The following DSCAML1 variants were observed in gnomAD, a reference collection of about 807,000 sequenced individuals.
DSCAML1 encodes cell adhesion molecule DSCAML1.
DSCAML1 carries 38 observed loss-of-function variants against 200.5 expected under a neutral mutation model. The observed-to-expected ratio is 0.19, with a 90% CI of 0.15 to 0.25. DSCAML1 has a LOEUF of 0.25. Among genes scored for constraint, DSCAML1 ranks in the 10% least tolerant of loss-of-function variants. DSCAML1 has a pLI of 1.00. For missense variants in DSCAML1, 2,223 were observed against 2,858.8 expected (o/e 0.78, Z 5.07); for synonymous variants, 1,215 against 1,165.0 (o/e 1.04, Z -0.87).
chr11:117,812,578 G>C (rs995553404), intron 1 of DSCAML1, among the ~76,000 whole-genome samples: 3 of 151,776 alleles, frequency 2.0e-5, no homozygotes, highest in Non-Finnish European at 4.4e-5. Context: ...CGCTTCACTT[G>C]GACTGACCCT....
intron 3 of DSCAML1, among the ~76,000 whole-genome samples, chr11:117,740,952 C>A (rs150437617): frequency 6.6e-6 from 1 of 152,344 alleles, no homozygotes; most frequent in Non-Finnish European, 1.5e-5. Context: ...GCCATCAGAT[C>A]CAAATGCAGA....
intron 11 of DSCAML1, among the ~76,000 whole-genome samples, chr11:117,501,860 G>A (rs969170821): frequency 5.3e-5 from 8 of 152,096 alleles, no homozygotes; most frequent in African/African-American, 1.9e-4. Context: ...AGACACCGAG[G>A]CCTGCAGATG....
chr11:117,550,034 C>A (rs1363163350), intron 3 of DSCAML1, among the ~76,000 whole-genome samples: 2 of 152,178 alleles, frequency 1.3e-5, no homozygotes, highest in Admixed American at 6.5e-5. Context: ...TCTCCCTTGT[C>A]TCCTGACAGC....
chr11:117,786,155 G>A (rs1450190629), intron 1 of DSCAML1, among the ~76,000 whole-genome samples: 1 of 152,152 alleles, frequency 6.6e-6, no homozygotes, highest in South Asian at 2.1e-4. Context: ...GAAGAGGAGG[G>A]GGAACACTTC....
intron 11 of DSCAML1, among the ~76,000 whole-genome samples, chr11:117,485,576 G>A (rs946843839): frequency 6.6e-6 from 1 of 152,198 alleles, no homozygotes; most frequent in African/African-American, 2.4e-5. Flanking sequence ...AGCATTGTGA[G>A]GACAAAGTGA....
At chr11:117,788,973 T>A (rs1389222815) in intron 1 of DSCAML1, among the ~76,000 whole-genome samples, 1 of 152,168 alleles carries the variant, frequency 6.6e-6, no homozygotes, top group African/African-American at 2.4e-5. Context: ...AATCTCCCTG[T>A]CATTAGACAT....
intron 3 of DSCAML1, among the ~76,000 whole-genome samples, chr11:117,737,988 G>A (rs953850944): frequency 2.0e-5 from 3 of 152,188 alleles, no homozygotes; most frequent in Admixed American, 6.5e-5. Context: ...TTTAGATAGA[G>A]GTGGAAAGAA....
chr11:117,816,597 G>A (rs1287986602), intron 1 of DSCAML1, among the ~76,000 whole-genome samples: 2 of 152,160 alleles, frequency 1.3e-5, no homozygotes, highest in Non-Finnish European at 2.9e-5. Context: ...GAGGGTGGAA[G>A]CCTGGAGAGT....
intron 3 of DSCAML1, among the ~76,000 whole-genome samples, chr11:117,590,887 C>T (rs553637): frequency 0.64 from 97,882 of 151,992 alleles, 32,581 homozygotes; most frequent in African/African-American, 0.83. Context: ...AATGGGCATA[C>T]TGCTCCTAAA....
chr11:117,803,852 T>C (rs2055684140), intron 1 of DSCAML1, among the ~76,000 whole-genome samples: 1 of 152,224 alleles, frequency 6.6e-6, no homozygotes, highest in African/African-American at 2.4e-5. Context: ...TTGACTTAGA[T>C]GATGAAAGTT....
intron 3 of DSCAML1, among the ~76,000 whole-genome samples, chr11:117,773,536 C>CACAG (rs1315358416): frequency 6.7e-6 from 1 of 148,776 alleles, no homozygotes; most frequent in Non-Finnish European, 1.5e-5. Context: ...AATGCACACA[C>CACAG]ACACACACAC....
At chr11:117,449,012 T>G (rs1391838385) in intron 20 of DSCAML1, among the ~76,000 whole-genome samples, 1 of 152,178 alleles carries the variant, frequency 6.6e-6, no homozygotes, top group Non-Finnish European at 1.5e-5. Context: ...TCATAACATA[T>G]GCACACAAAA....
intron 3 of DSCAML1, among the ~76,000 whole-genome samples, chr11:117,769,073 T>C (rs2054950180): frequency 1.5e-4 from 1 of 6,634 alleles, no homozygotes. Context: ...AAAATATATA[T>C]ATAATCTATA....
intron 3 of DSCAML1, among the ~76,000 whole-genome samples, chr11:117,702,969 T>C (rs1367842376): frequency 6.6e-6 from 1 of 152,220 alleles, no homozygotes; most frequent in Non-Finnish European, 1.5e-5. Context: ...ATTTATCTAC[T>C]TGGTAAGTTT....
In DSCAML1 at chr11:117,458,741, G is replaced by A. The variant is rs188870730; in HGVS notation, c.3568+13C>T. The A allele has an allele frequency of 7.1e-5, 115 of 1,611,008 alleles. No homozygotes were observed. The African/African-American group carries it at 8.9e-4, about 13-fold the overall frequency. ...GCAGGGCCAGCCTGTCCCAAGGAGAGGCCTGGACTCACCGTCCTCCTTGGT... is the reference window on the plus strand; with the variant it reads ...GCAGGGCCAGCCTGTCCCAAGGAGAAGCCTGGACTCACCGTCCTCCTTGGT... On this transcript the variant is annotated intron_variant, in intron 19 of 32. Transcript: ENST00000651296.
chr11:117,461,665 G>A, intron 17 of DSCAML1, 69 bp from the exon 18 acceptor site: 1 of 1,509,544 alleles, frequency 6.6e-7, no homozygotes, highest in East Asian at 2.3e-5. Context: ...CAGCAATTGT[G>A]TCCCAGGCTG....
intron 3 of DSCAML1, among the ~76,000 whole-genome samples, chr11:117,592,843 G>C (rs1171044499): frequency 6.6e-6 from 1 of 152,214 alleles, no homozygotes; most frequent in Admixed American, 6.5e-5. Flanking sequence ...CCAGAGACCA[G>C]GCTCCGTGCT....
At chr11:117,595,809 T>A (rs2051353625) in intron 3 of DSCAML1, among the ~76,000 whole-genome samples, 1 of 152,052 alleles carries the variant, frequency 6.6e-6, no homozygotes. Context: ...CAGGTTCTCA[T>A]TCCCTTGCAA....
intron 3 of DSCAML1, among the ~76,000 whole-genome samples, chr11:117,560,401 T>A (rs571320747): frequency 6.6e-6 from 1 of 152,202 alleles, no homozygotes; most frequent in East Asian, 1.9e-4. Context: ...CATATCCTCA[T>A]TGTATTTTAC....
Sources: allele counts gnomAD v4.1 joint callset (sites outside exome capture counted in the v4.1 genomes callset), GRCh38; gene constraint gnomAD v4.1.1; transcripts MANE v1.5; gene names NCBI Gene and HGNC (gene_info 2026-07-23, HGNC 2026-07-21).